The following WNT3 variants were observed in gnomAD, a reference collection of about 807,000 sequenced individuals.
The protein encoded by WNT3 is proto-oncogene Wnt-3.
Under a neutral mutation model 34.2 loss-of-function variants are expected in WNT3, and 7 were observed. The ratio of observed to expected loss-of-function variants is 0.20; its 90% CI spans 0.12 to 0.38. The LOEUF (loss-of-function observed/expected upper bound fraction) is 0.38, where lower values mean the gene tolerates loss of function less well. Among genes scored for constraint, WNT3 ranks in the 10% least tolerant of loss-of-function variants. The pLI, the probability that WNT3 is intolerant of heterozygous loss-of-function variation, is 1.00. For synonymous variants in WNT3, 212 were observed against 211.5 expected (o/e 1.00, Z -0.02); for missense variants, 267 against 499.8 (o/e 0.53, Z 4.44).
chr17:46,769,819 C>G lies in WNT3; in HGVS notation c.552G>C (p.Ser184=), dbSNP rs769539558. 8.7e-6 allele frequency: 14 copies of G among 1,612,706 alleles called. No individual in the cohort carries two copies. Among genetic ancestry groups the G allele is most frequent in the Non-Finnish European group, 1.2e-5 (14 of 1,179,866 alleles). The change falls in exon 3 of 5, where the codon TCG becomes TCC. Residue 184 remains serine (S), a synonymous_variant. Coordinates refer to ENST00000225512, the MANE Select transcript of WNT3 (RefSeq NM_030753.5). ...DARENRPDAR[S]AMNKHNNEAG... ...CCTCGTTGTTGTGCTTGTTCATGGC[C>G]GAGCGCGCGTCCGGCCTGTTCTCGC...
At position 46,793,902 on chromosome 17, in the gene WNT3, C is replaced by T. The variant is rs75267333; in HGVS notation, c.81-19993G>A. Among the ~76,000 whole-genome samples, 635 of 152,268 alleles carry T rather than the reference C, an allele frequency of 4.2e-3. 5 individuals are homozygous for T. The highest frequency in any genetic ancestry group is 0.015 in the African/African-American group (616 of 41,554). On this transcript the variant is annotated intron_variant, in intron 1 of 4. Transcript: ENST00000225512. ...AGTTGGACCCCAAATCCCATGCTAT[C>T]GCTATTTTGCCACTCTGTCCAGACC...
intron 1 of WNT3, among the ~76,000 whole-genome samples, chr17:46,780,253 G>T (rs375252061): frequency 6.6e-6 from 1 of 152,196 alleles, no homozygotes; most frequent in Non-Finnish European, 1.5e-5. Context: ...GCTGATGGGG[G>T]TCTGACTGTG....
chr17:46,797,862 T>C (rs1400319142), intron 1 of WNT3, among the ~76,000 whole-genome samples: 2 of 152,232 alleles, frequency 1.3e-5, no homozygotes, highest in Admixed American at 6.5e-5. Flanking sequence ...TATAACACCA[T>C]TTTTATAATG....
chr17:46,777,399 T>C (rs1346740382), intron 1 of WNT3, among the ~76,000 whole-genome samples: 1 of 152,156 alleles, frequency 6.6e-6, no homozygotes, highest in African/African-American at 2.4e-5. Flanking sequence ...GTTTCACCAG[T>C]TACCTCCCTC....
At chr17:46,800,941 G>A (rs1457787429) in intron 1 of WNT3, among the ~76,000 whole-genome samples, 1 of 152,236 alleles carries the variant, frequency 6.6e-6, no homozygotes, top group Admixed American at 6.5e-5. Context: ...AAGGCAGGGG[G>A]TAGCACAGAG....
intron 1 of WNT3, among the ~76,000 whole-genome samples, chr17:46,800,019 C>T (rs1284048397): frequency 6.6e-6 from 1 of 152,026 alleles, no homozygotes; most frequent in East Asian, 1.9e-4. Context: ...GAGGGGAGTG[C>T]TGTCCCAGAG....
chr17:46,769,621 CG>C (rs974938745), intron 3 of WNT3, among the ~76,000 whole-genome samples, 161 bp downstream of exon 3: 30 of 152,086 alleles, frequency 2.0e-4, no homozygotes, highest in African/African-American at 7.2e-4. Context: ...GGTGGACAGA[CG>C]AAGTGGCTGT....
At chr17:46,808,746 A>G (rs2146457856) in intron 1 of WNT3, among the ~76,000 whole-genome samples, 1 of 152,310 alleles carries the variant, frequency 6.6e-6, no homozygotes, top group Non-Finnish European at 1.5e-5. Flanking sequence ...TGAACTGGTG[A>G]ACATGGAGGG....
chr17:46,776,329 A>G (rs1326076624), intron 1 of WNT3, among the ~76,000 whole-genome samples: 1 of 152,226 alleles, frequency 6.6e-6, no homozygotes, highest in African/African-American at 2.4e-5. Context: ...CGCACACAGC[A>G]CTGCCCCTGC....
chr17:46,767,733 TAATC>T (rs1006195727), intron 4 of WNT3, among the ~76,000 whole-genome samples: 2 of 152,224 alleles, frequency 1.3e-5, no homozygotes, highest in Non-Finnish European at 2.9e-5. Context: ...GTAAAAATGT[TAATC>T]AATTGCTGGC....
chr17:46,769,825 C>T lies in WNT3; in HGVS notation c.546G>A (p.Ala182=). The T allele has an allele frequency of 3.1e-6, 5 of 1,613,068 alleles. No individual in the cohort carries two copies. Among genetic ancestry groups the T allele is most frequent in the Middle Eastern group, 1.6e-4 (1 of 6,062 alleles). ...TGTTGTGCTTGTTCATGGCCGAGCG[C>T]GCGTCCGGCCTGTTCTCGCGCGCAT... ...FADARENRPD[A]RSAMNKHNNE... is the part of the protein sequence containing the mutation. Residue 182 remains alanine, a synonymous_variant, in exon 3 of 5, where the codon GCG becomes GCA. Coordinates refer to ENST00000225512, the MANE Select transcript of WNT3 (RefSeq NM_030753.5).
At chr17:46,796,040 C>T (rs998558907) in intron 1 of WNT3, among the ~76,000 whole-genome samples, 3 of 152,024 alleles carry the variant, frequency 2.0e-5, no homozygotes, top group Non-Finnish European at 4.4e-5. Context: ...TAAAAAGAAA[C>T]AGAGGAGCTG....
At chr17:46,801,083 T>C (rs780502814) in intron 1 of WNT3, among the ~76,000 whole-genome samples, 2 of 152,162 alleles carry the variant, frequency 1.3e-5, no homozygotes, top group Non-Finnish European at 1.5e-5. Context: ...TATCCTTTCA[T>C]CCTCACAATA....
At chr17:46,767,455 G>A (rs2059323538) in intron 4 of WNT3, among the ~76,000 whole-genome samples, 2 of 152,198 alleles carry the variant, frequency 1.3e-5, no homozygotes, top group South Asian at 4.1e-4. Flanking sequence ...CTAAGTTCAA[G>A]GTGGATGCAC....
At chr17:46,817,581 G>C (rs1353890737) in intron 1 of WNT3, among the ~76,000 whole-genome samples, 1 of 152,090 alleles carries the variant, frequency 6.6e-6, no homozygotes, top group Non-Finnish European at 1.5e-5. Context: ...TCCTGGAGCT[G>C]GGGCTCCCAA....
At chr17:46,774,661 T>TC (rs2059400375) in intron 1 of WNT3, among the ~76,000 whole-genome samples, 1 of 152,276 alleles carries the variant, frequency 6.6e-6, no homozygotes, top group Non-Finnish European at 1.5e-5. Context: ...TTCACTCCAT[T>TC]CCTCTGCCCC....
At chr17:46,791,630 TGGTAA>T (rs1464196788) in intron 1 of WNT3, among the ~76,000 whole-genome samples, 2 of 152,214 alleles carry the variant, frequency 1.3e-5, no homozygotes. Context: ...AGGCATGCCC[TGGTAA>T]GGGTGCTGGG....
intron 1 of WNT3, among the ~76,000 whole-genome samples, chr17:46,780,096 T>C (rs2059447622): frequency 6.6e-6 from 1 of 152,208 alleles, no homozygotes; most frequent in Non-Finnish European, 1.5e-5. Flanking sequence ...ATCAGTGAAT[T>C]CAGGTCAGCC....
intron 1 of WNT3, among the ~76,000 whole-genome samples, chr17:46,789,490 G>A (rs1185147841): frequency 6.6e-6 from 1 of 152,232 alleles, no homozygotes; most frequent in Non-Finnish European, 1.5e-5. Flanking sequence ...AAGTGTGACA[G>A]TAGAATGGTA....
Sources: allele counts gnomAD v4.1 joint callset (sites outside exome capture counted in the v4.1 genomes callset), GRCh38; gene constraint gnomAD v4.1.1; transcripts MANE v1.5; gene names NCBI Gene and HGNC (gene_info 2026-07-23, HGNC 2026-07-21).